Variants in MAP2K5 observed in about 807,000 individuals in gnomAD.
MAP2K5 encodes dual specificity mitogen-activated protein kinase kinase 5.
MAP2K5 carries 49 observed loss-of-function variants against 83.1 expected under a neutral mutation model. The observed-to-expected ratio is 0.59, with a 90% CI of 0.47 to 0.75. The LOEUF (loss-of-function observed/expected upper bound fraction) is 0.75. Among genes scored for constraint, MAP2K5 ranks in the 30% least tolerant of loss-of-function variants. The pLI, the probability that MAP2K5 is intolerant of heterozygous loss-of-function variation, is 0.00. For missense variants in MAP2K5, 457 were observed against 557.5 expected, an observed-to-expected ratio of 0.82 and a Z score of 1.82; for synonymous variants, 202 against 191.8, an observed-to-expected ratio of 1.05 and a Z score of -0.44.
intron 16 of MAP2K5, among the ~76,000 whole-genome samples, chr15:67,718,703 G>T (rs1357493321): frequency 6.6e-6 from 1 of 152,172 alleles, no homozygotes; most frequent in Non-Finnish European, 1.5e-5. Context: ...GGTGGAGGTT[G>T]CAGTGAGCCG....
chr15:67,564,918 A>C (rs1167494381), intron 3 of MAP2K5, among the ~76,000 whole-genome samples: 1 of 152,208 alleles, frequency 6.6e-6, no homozygotes, highest in Non-Finnish European at 1.5e-5. Flanking sequence ...TGCTTTTTGA[A>C]AATGTTAGTG....
At chr15:67,567,656 G>A (rs1281187572) in intron 3 of MAP2K5, among the ~76,000 whole-genome samples, 2 of 152,050 alleles carry the variant, frequency 1.3e-5, no homozygotes, top group African/African-American at 4.8e-5. Context: ...GAGCCACCGC[G>A]CCCGGCCTAA....
chr15:67,677,987 T>G lies in MAP2K5; in HGVS notation c.847+13342T>G, dbSNP rs2087720272. ...TTATTTAAGGCCTTTGCAAGAATAT[T>G]TGGATGACCTACCCTTTCTTATGTG... On this transcript the variant is annotated intron_variant, in intron 13 of 21. Transcript: ENST00000178640. This position sits in a 1 kb window ranked among gnomAD's most constrained non-coding sequence, Gnocchi z 4.2. 6.6e-6 allele frequency among the ~76,000 whole-genome samples: 1 copy of G among 152,218 alleles called. No individual in the cohort carries two copies. The highest frequency in any genetic ancestry group is 2.1e-4 in the South Asian group (1 of 4,832).
At chr15:67,639,294 T>G (rs983235846) in intron 9 of MAP2K5, among the ~76,000 whole-genome samples, 2 of 152,250 alleles carry the variant, frequency 1.3e-5, no homozygotes, top group Non-Finnish European at 2.9e-5. Context: ...GCTTCTTTCT[T>G]GTCAGACATG....
chr15:67,551,775 A>G (rs1174687174), intron 2 of MAP2K5, among the ~76,000 whole-genome samples: 1 of 152,206 alleles, frequency 6.6e-6, no homozygotes, highest in Admixed American at 6.5e-5. Flanking sequence ...AAAAAATTAG[A>G]GGTAAACTAA....
chr15:67,626,840 C>T (rs933594038), intron 8 of MAP2K5, among the ~76,000 whole-genome samples: 1 of 152,056 alleles, frequency 6.6e-6, no homozygotes, highest in Admixed American at 6.5e-5. Context: ...TTCAAGGTCA[C>T]AATGAACTAA....
At chr15:67,737,558 G>GA (rs3837738) in intron 17 of MAP2K5, among the ~76,000 whole-genome samples, 2 of 151,912 alleles carry the variant, frequency 1.3e-5, no homozygotes, top group Non-Finnish European at 2.9e-5. Context: ...TAAGTTCATT[G>GA]AAAAAATCAA....
intron 8 of MAP2K5, chr15:67,628,494 T>C: frequency 3.0e-6 from 2 of 676,660 alleles, no homozygotes; most frequent in Non-Finnish European, 5.0e-6. Context: ...AAAATAAAAA[T>C]AAAAAATAAA....
rs751056244 is a variant in MAP2K5, at chr15:67,543,362, TC to T, written c.29del (p.Pro10LeufsTer9). 2.5e-6 allele frequency: 4 copies of T among 1,614,094 alleles called. No individual in the cohort carries two copies. Among genetic ancestry groups the T allele is most frequent in the Non-Finnish European group, 3.4e-6 (4 of 1,180,052 alleles). On this transcript the variant is annotated frameshift_variant, in exon 1 of 22. Coordinates refer to ENST00000178640, the MANE Select transcript of MAP2K5 (RefSeq NM_145160.3). LOFTEE classifies it high-confidence loss of function. This position sits in a 1 kb window ranked among gnomAD's most constrained non-coding sequence, Gnocchi z 4.3. The stretch of plus-strand genomic sequence containing the variant: ...TGCTGTGGCTAGCCCTTGGCCCCTT[TC>T]CTGCCATGGAGAACCAGGTGCTGGT... MLWLALGPF[P>X]AMENQVLVIR...
In MAP2K5 at chr15:67,738,664, A is replaced by G. The variant is rs907789498; in HGVS notation, c.1075-9567A>G. Among the ~76,000 whole-genome samples, 4 of 152,222 alleles carry G rather than the reference A, an allele frequency of 2.6e-5. No individual in the cohort carries two copies. The highest frequency in any genetic ancestry group is 6.5e-5 in the Admixed American group (1 of 15,282). On this transcript the variant is annotated intron_variant, in intron 17 of 21. Coordinates refer to ENST00000178640, the MANE Select transcript of MAP2K5 (RefSeq NM_145160.3). The surrounding 1 kb of genome is among the most constrained non-coding windows in gnomAD (Gnocchi z 4.1). ...TTACAGAATTGTGGGTAGACAGTGT[A>G]TAGAGGAGATGGGGATCCACCCACA...
At position 67,777,680 on chromosome 15, in the gene MAP2K5, A is replaced by G. The variant is rs2141313029; in HGVS notation, c.1242+4928A>G. ...GCTGTTCAGTGGCAGCGAGAATTTC[A>G]GAGAAACAAGCTGGCGAAGAAATTT... On this transcript the variant is annotated intron_variant, in intron 21 of 21. Transcript: ENST00000178640. The surrounding 1 kb of genome is among the most constrained non-coding windows in gnomAD (Gnocchi z 6.0). Among the ~76,000 whole-genome samples, 1 of 152,372 alleles carries G rather than the reference A, an allele frequency of 6.6e-6. No homozygotes were observed. Among genetic ancestry groups the G allele is most frequent in the South Asian group, 2.1e-4 (1 of 4,830 alleles).
In MAP2K5 at chr15:67,563,467, T is replaced by C. The variant is rs2084779365; in HGVS notation, c.252+117T>C. On this transcript the variant is annotated intron_variant, in intron 3 of 21. Transcript: ENST00000178640. This position sits in a 1 kb window ranked among gnomAD's most constrained non-coding sequence, Gnocchi z 4.5. ...CACAGTTGTCATACATTTTTCTATA[T>C]AATAGGTAAAGGTTTCAAGGATTTC... 3.8e-6 allele frequency: 5 copies of C among 1,321,148 alleles called. No individual in the cohort carries two copies. Among genetic ancestry groups the C allele is most frequent in the Non-Finnish European group, 5.1e-6 (5 of 982,100 alleles). 81.8% of individuals were successfully genotyped at this position (1,321,148 alleles called of 1,614,324 possible).
Position 67,772,735 on chromosome 15 carries a change from G to A in MAP2K5, c.1225G>A (p.Ala409Thr). The change falls in exon 21 of 22, where the codon GCA becomes ACA. Residue 409 changes from alanine (A) to threonine (T), a missense_variant. By Grantham distance (58) the Ala-to-Thr change is moderately conservative. This residue lies in a region of MAP2K5 where 168 missense variants were observed against 263.0 expected (regional missense o/e 0.64). Transcript: ENST00000178640. ...GCGAAAACAGCCAAAAGAAAGGCCA[G>A]CACCTGAAGAATTGATGGTAAGTGA... ...CMRKQPKERPAPEELMGHPFI... is the reference protein window; with the variant it reads ...CMRKQPKERPTPEELMGHPFI... 6.2e-7 allele frequency: 1 copy of A among 1,602,804 alleles called. No individual in the cohort carries two copies. Among genetic ancestry groups the A allele is most frequent in the Non-Finnish European group, 8.5e-7 (1 of 1,174,534 alleles).
intron 2 of MAP2K5, among the ~76,000 whole-genome samples, chr15:67,556,674 C>T (rs916454282): frequency 6.6e-6 from 1 of 151,800 alleles, no homozygotes; most frequent in Non-Finnish European, 1.5e-5. Flanking sequence ...GCCTCAGCCT[C>T]CCTAGTAGCT....
chr15:67,568,777 C>T (rs1467048992), intron 3 of MAP2K5, among the ~76,000 whole-genome samples: 5 of 151,918 alleles, frequency 3.3e-5, no homozygotes, highest in African/African-American at 7.3e-5. Context: ...GAGGCTGAGG[C>T]GGGCGGATCA....
chr15:67,641,592 A>G (rs1015794252), intron 9 of MAP2K5: 6 of 996,450 alleles, frequency 6.0e-6, no homozygotes, highest in Non-Finnish European at 1.2e-6. Context: ...GACTGCTTAT[A>G]TTTAACTTGA....
At chr15:67,714,915 A>G (rs913910143) in intron 16 of MAP2K5, among the ~76,000 whole-genome samples, 1 of 152,234 alleles carries the variant, frequency 6.6e-6, no homozygotes, top group Non-Finnish European at 1.5e-5. Context: ...GTTCAGATAA[A>G]GTATACACTC....
intron 9 of MAP2K5, among the ~76,000 whole-genome samples, chr15:67,633,614 C>G (rs917620420): frequency 1.8e-4 from 27 of 152,146 alleles, no homozygotes; most frequent in African/African-American, 5.6e-4. Context: ...TTGGGATTTA[C>G]AAATATACTG....
At chr15:67,632,624 C>T (rs2086500760) in intron 9 of MAP2K5, among the ~76,000 whole-genome samples, 1 of 152,204 alleles carries the variant, frequency 6.6e-6, no homozygotes, top group African/African-American at 2.4e-5. Flanking sequence ...TCCCTCTGAT[C>T]TTCATCTATC....
Sources: allele counts gnomAD v4.1 joint callset (sites outside exome capture counted in the v4.1 genomes callset), GRCh38; gene constraint gnomAD v4.1.1; regional missense constraint gnomAD v4.1.1; non-coding constraint Gnocchi (gnomAD v3.1); transcripts MANE v1.5; gene names NCBI Gene and HGNC (gene_info 2026-07-23, HGNC 2026-07-21).